Variants in FKBP5 observed in about 807,000 individuals in gnomAD.
The protein encoded by FKBP5 is FKBP prolyl isomerase 5.
In FKBP5, 23 loss-of-function variants were observed where a neutral mutation model predicts 50.5. The observed-to-expected ratio is 0.46, with a 90% CI of 0.33 to 0.65. FKBP5 has a LOEUF of 0.65. Ranked by LOEUF, FKBP5 falls within the 30% of genes least tolerant of loss-of-function variation. The pLI is 0.02. For missense variants in FKBP5, 411 were observed against 553.1 expected (o/e 0.74, Z 2.58); for synonymous variants, 176 against 190.6 (o/e 0.92, Z 0.63).
At chr6:35,633,466 C>T (rs1465290388) in intron 3 of FKBP5, among the ~76,000 whole-genome samples, 1 of 151,136 alleles carries the variant, frequency 6.6e-6, no homozygotes, top group Non-Finnish European at 1.5e-5. Context: ...TCACTTGAGC[C>T]CCAGAGGCAG....
At chr6:35,690,502 A>G (rs1480799524), upstream of FKBP5, among the ~76,000 whole-genome samples, 1 of 151,284 alleles carries the variant, frequency 6.6e-6, no homozygotes, top group Non-Finnish European at 1.5e-5. Flanking sequence ...TGCAGAAAAG[A>G]CAAATAAAGC....
At chr6:35,684,463 T>A (rs1765766674) in intron 1 of FKBP5, among the ~76,000 whole-genome samples, 1 of 152,074 alleles carries the variant, frequency 6.6e-6, no homozygotes, top group Non-Finnish European at 1.5e-5. Flanking sequence ...CAGGCGTGAG[T>A]CACTGCACCT....
At chr6:35,642,974 A>T (rs12527329) in intron 1 of FKBP5, 131 bp from the exon 2 acceptor site, 45,797 of 613,398 alleles carry the variant, frequency 0.075, 2,114 homozygotes, top group Admixed American at 0.13. Flanking sequence ...TGAAAATGAA[A>T]ACAAAGGCAT....
chr6:35,725,851 A>G (rs1276133629), intron 1 of FKBP5, among the ~76,000 whole-genome samples: 9 of 152,334 alleles, frequency 5.9e-5, no homozygotes, highest in East Asian at 1.9e-4. Flanking sequence ...TGGGGAGGGA[A>G]GAGAGCAGAG....
chr6:35,653,700 C>G (rs917695351), intron 1 of FKBP5, among the ~76,000 whole-genome samples: 4 of 152,070 alleles, frequency 2.6e-5, no homozygotes, highest in Non-Finnish European at 5.9e-5. Flanking sequence ...CCCAAAGATT[C>G]TTGGTGAATT....
At chr6:35,675,211 A>C (rs983382550) in intron 1 of FKBP5, among the ~76,000 whole-genome samples, 1 of 152,258 alleles carries the variant, frequency 6.6e-6, no homozygotes, top group South Asian at 2.1e-4. Flanking sequence ...CCCATACCAC[A>C]AAGTGGTAGT....
Position 35,620,121 on chromosome 6 carries a change from C to T in FKBP5, c.393+11G>A, listed in dbSNP as rs776598337. The stretch of plus-strand genomic sequence containing the variant: ...CAGATGCTGACAAGGCAACATCACA[C>T]ACATACTTGCCTCAAAAAAGAGAGT... On this transcript the variant is annotated intron_variant, in intron 4 of 10. Transcript: ENST00000357266. 6.2e-7 allele frequency: 1 copy of T among 1,614,062 alleles called. No individual in the cohort carries two copies. Among genetic ancestry groups the T allele is most frequent in the South Asian group, 1.1e-5 (1 of 91,074 alleles).
At chr6:35,626,442 C>T (rs1005407524) in intron 3 of FKBP5, among the ~76,000 whole-genome samples, 7 of 152,104 alleles carry the variant, frequency 4.6e-5, no homozygotes, top group Non-Finnish European at 1.0e-4. Context: ...CACTTCAGAA[C>T]ATTCTGACTA....
intron 5 of FKBP5, among the ~76,000 whole-genome samples, chr6:35,601,374 T>C (rs534644784): frequency 1.3e-5 from 2 of 152,250 alleles, no homozygotes; most frequent in South Asian, 2.1e-4. Context: ...GCAAAGGGCA[T>C]TGCTGGGTTA....
chr6:35,647,935 T>C (rs9462100), intron 1 of FKBP5, among the ~76,000 whole-genome samples: 5,869 of 152,330 alleles, frequency 0.039, 301 homozygotes, highest in African/African-American at 0.11. Flanking sequence ...TTTCCTTTGA[T>C]GTCTCTGTCC....
chr6:35,722,392 G>A (rs1043557581), intron 1 of FKBP5, among the ~76,000 whole-genome samples: 13 of 152,254 alleles, frequency 8.5e-5, no homozygotes, highest in African/African-American at 2.7e-4. Flanking sequence ...GCTGAGGGCT[G>A]TGAATGTGGG....
At chr6:35,666,813 C>T (rs1033922271) in intron 1 of FKBP5, among the ~76,000 whole-genome samples, 2 of 151,914 alleles carry the variant, frequency 1.3e-5, no homozygotes, top group South Asian at 2.1e-4. Flanking sequence ...CCCTTGAACT[C>T]GGGAGGTTGC....
intron 3 of FKBP5, among the ~76,000 whole-genome samples, chr6:35,634,350 A>G (rs890387289): frequency 2.6e-5 from 4 of 152,218 alleles, no homozygotes; most frequent in Non-Finnish European, 4.4e-5. Flanking sequence ...AAATTCTAAA[A>G]TAACTGTCAT....
In FKBP5 at chr6:35,619,103, T is replaced by C; in HGVS notation, c.501A>G (p.Thr167=). The change falls in exon 5 of 11, where the codon ACA becomes ACG. Residue 167 remains threonine, a synonymous_variant. Coordinates refer to ENST00000357266, the MANE Select transcript of FKBP5 (RefSeq NM_004117.4). The part of the protein sequence containing the change: ...EGYSNPNEGA[T]VEIHLEGRCG... ...TCTTACTTTAATACTTACTTTCTACTGTTGCTCCTTCGTTTGGATTTGAAT... is the reference window on the plus strand; with the variant it reads ...TCTTACTTTAATACTTACTTTCTACCGTTGCTCCTTCGTTTGGATTTGAAT... The C allele has an allele frequency of 6.2e-7, 1 of 1,610,348 alleles. No individual in the cohort carries two copies. The highest frequency in any genetic ancestry group is 8.5e-7 in the Non-Finnish European group (1 of 1,176,586).
At chr6:35,591,279 C>T (rs1762812923) in intron 6 of FKBP5, 59 bp from the exon 7 acceptor site, 1 of 1,206,850 alleles carries the variant, frequency 8.3e-7, no homozygotes, top group South Asian at 1.3e-5. Context: ...CAGGCACTTC[C>T]TTCAGTATTT....
chr6:35,691,250 G>A (rs1025641618), upstream of FKBP5, among the ~76,000 whole-genome samples: 4 of 152,120 alleles, frequency 2.6e-5, no homozygotes, highest in African/African-American at 4.8e-5. Context: ...CAGGGAAGGC[G>A]TCATTGAAGA....
intron 1 of FKBP5, among the ~76,000 whole-genome samples, chr6:35,683,110 ATATACG>A (rs1455384677): frequency 6.7e-5 from 9 of 134,754 alleles, no homozygotes; most frequent in Non-Finnish European, 9.5e-5. Flanking sequence ...GTGTGTATAT[ATATACG>A]TATATGTGTG....
intron 2 of FKBP5, among the ~76,000 whole-genome samples, chr6:35,706,756 A>G (rs1210025342): frequency 4.6e-5 from 7 of 152,360 alleles, no homozygotes; most frequent in African/African-American, 1.7e-4. Flanking sequence ...TGGCCAAACT[A>G]TATATACAAC....
chr6:35,689,846 CA>C (rs1765949625), upstream of FKBP5, among the ~76,000 whole-genome samples: 1 of 151,908 alleles, frequency 6.6e-6, no homozygotes, highest in Non-Finnish European at 1.5e-5. Flanking sequence ...AAAACAAAAA[CA>C]AAAACAAAAC....
Sources: allele counts gnomAD v4.1 joint callset (sites outside exome capture counted in the v4.1 genomes callset), GRCh38; gene constraint gnomAD v4.1.1; transcripts MANE v1.5; gene names NCBI Gene and HGNC (gene_info 2026-07-23, HGNC 2026-07-21).